MALAT1: variants seen among roughly 807,000 people sequenced by gnomAD.
MALAT1 encodes the protein hepcarcin.
chr11:65,498,067 G>C (rs75162789), intron 1 of MALAT1: 193 of 518,922 alleles, frequency 3.7e-4, no homozygotes, highest in African/African-American at 3.2e-3. Flanking sequence ...GGTTCAGAAG[G>C]TCTGAAGCTC....
At chr11:65,504,479 T>C (rs773135419) in intron 3 of MALAT1, 2 of 518,924 alleles carry the variant, frequency 3.9e-6, no homozygotes, top group African/African-American at 1.9e-5. Context: ...GGAGTAGTGA[T>C]TGTTGAAGGA....
chr11:65,498,226 T>C (rs760611825), intron 1 of MALAT1: 3 of 518,800 alleles, frequency 5.8e-6, no homozygotes, highest in African/African-American at 5.8e-5. Context: ...TTAGTTGGTC[T>C]ACTTTAAAAG....
chr11:65,506,034 C>T (rs1368339478), intron 3 of MALAT1: 1 of 451,026 alleles, frequency 2.2e-6, no homozygotes, highest in African/African-American at 2.1e-5. Context: ...GAAGGTTTTT[C>T]TTTTCCTGAG....
exon 3 of MALAT1, chr11:65,502,756 C>T (rs1283973417): frequency 1.9e-6 from 1 of 516,360 alleles, no homozygotes; most frequent in South Asian, 1.4e-5. Flanking sequence ...ATATGTCATA[C>T]CTCCATTGGG....
At chr11:65,504,404 CGCT>C in intron 3 of MALAT1, 1 of 518,570 alleles carries the variant, frequency 1.9e-6, no homozygotes, top group South Asian at 1.4e-5. Flanking sequence ...GTTCTGATCC[CGCT>C]GCTATTAGAA....
exon 3 of MALAT1, chr11:65,503,068 A>G: frequency 2.0e-6 from 1 of 511,072 alleles, no homozygotes; most frequent in South Asian, 1.4e-5. Flanking sequence ...AGTTGGGATC[A>G]AGTGGATTGA....
chr11:65,500,420 AG>A (rs763356072), exon 3 of MALAT1: 2 of 518,906 alleles, frequency 3.9e-6, no homozygotes, highest in Admixed American at 3.9e-5. Context: ...AAGTGGATTC[AG>A]TGAATCTAGG....
At chr11:65,500,196 C>T (rs769682570) in exon 3 of MALAT1, 1 of 509,656 alleles carries the variant, frequency 2.0e-6, no homozygotes, top group Non-Finnish European at 3.9e-6. Context: ...TTAAAAAAAA[C>T]TAAGGCAGAA....
Position 65,500,149 on chromosome 11 carries a change from A to G in MALAT1, n.1412A>G, listed in dbSNP as rs188988629. 3.1e-4 allele frequency: 156 copies of G among 502,384 alleles called. 1 individual carries two copies. The highest frequency in any genetic ancestry group is 2.5e-3 in the African/African-American group (129 of 51,612). 31.1% of individuals were successfully genotyped at this position (502,384 alleles called of 1,614,324 possible). ...AAGCTAGAAGGGGAAGTTGGTTAAA[A>G]ATCACATCAAAAAGCTACTAAAAGG... On this transcript the variant is annotated non_coding_transcript_exon_variant, in exon 3 of 4. Transcript: ENST00000619449.
chr11:65,500,840 T>C (rs559818336), exon 3 of MALAT1: 8 of 518,874 alleles, frequency 1.5e-5, no homozygotes, highest in South Asian at 8.4e-5. Flanking sequence ...TTTTCTAATA[T>C]AATGGGGGAG....
exon 3 of MALAT1, chr11:65,502,204 C>T (rs1854565894): frequency 1.9e-6 from 1 of 518,868 alleles, no homozygotes; most frequent in South Asian, 1.4e-5. Flanking sequence ...GTCTGGCCTA[C>T]TGGGCTGACA....
chr11:65,504,935 AC>A, intron 3 of MALAT1: 1 of 518,902 alleles, frequency 1.9e-6, no homozygotes, highest in Non-Finnish European at 3.8e-6. Context: ...GGGATTGGGA[AC>A]CACTAGTTCT....
At chr11:65,504,484 G>C (rs1367768681) in intron 3 of MALAT1, 1 of 518,908 alleles carries the variant, frequency 1.9e-6, no homozygotes. Flanking sequence ...AGTGATTGTT[G>C]AAGGAAAAAA....
At chr11:65,505,565 A>G (rs745789572) in intron 3 of MALAT1, 4 of 515,720 alleles carry the variant, frequency 7.8e-6, no homozygotes, top group Non-Finnish European at 1.6e-5. Context: ...CCACATCGCC[A>G]CCCCGTGCCT....
chr11:65,500,385 G>A, exon 3 of MALAT1: 1 of 518,964 alleles, frequency 1.9e-6, no homozygotes, highest in South Asian at 1.4e-5. Flanking sequence ...AGCATTAATT[G>A]ACAGCTGACC....
At chr11:65,503,562 T>G (rs1565054815) in exon 3 of MALAT1, 1 of 518,194 alleles carries the variant, frequency 1.9e-6, no homozygotes, top group South Asian at 1.4e-5. Flanking sequence ...ATTTACATGT[T>G]GTGATGTAAA....
At chr11:65,502,759 C>T (rs1478651917) in exon 3 of MALAT1, 6 of 516,268 alleles carry the variant, frequency 1.2e-5, no homozygotes, top group Non-Finnish European at 2.3e-5. Context: ...TGTCATACCT[C>T]CATTGGGGAA....
At chr11:65,498,894 G>A (rs1420401705) in intron 2 of MALAT1, 1 of 518,344 alleles carries the variant, frequency 1.9e-6, no homozygotes, top group Non-Finnish European at 3.9e-6. Flanking sequence ...TCCATAAGCT[G>A]TTAAGAAAAA....
At chr11:65,500,052 A>G (rs1198700141) in exon 3 of MALAT1, 7 of 439,978 alleles carry the variant, frequency 1.6e-5, no homozygotes, top group Admixed American at 8.0e-5. Context: ...CTGGTGGTGC[A>G]GAAGTTAGAA....
Sources: gnomAD v4.1 joint callset for allele counts on GRCh38, gnomAD v4.1.1 for gene constraint, MANE v1.5 for transcripts, NCBI Gene and HGNC (gene_info 2026-07-23, HGNC 2026-07-21) for gene names.